NFATC3: variants seen among roughly 807,000 people sequenced by gnomAD.
NFATC3 encodes nuclear factor of activated T-cells, cytoplasmic 3.
Under a neutral mutation model 98.6 loss-of-function variants are expected in NFATC3, and 46 were observed. That is an observed-to-expected ratio of 0.47 (90% CI 0.37 to 0.60). The LOEUF (loss-of-function observed/expected upper bound fraction) is 0.60. NFATC3 is among the 20% of genes least tolerant of loss of function. The pLI is 0.00. For missense variants in NFATC3, 1,256 were observed against 1,295.5 expected (o/e 0.97, Z 0.47); for synonymous variants, 512 against 472.2 (o/e 1.08, Z -1.09).
intron 9 of NFATC3, among the ~76,000 whole-genome samples, chr16:68,218,566 T>C (rs1321641067): frequency 2.0e-5 from 3 of 147,712 alleles, no homozygotes; most frequent in Non-Finnish European, 4.5e-5. Context: ...GTATTTAGTT[T>C]AGATGGTGCT....
In NFATC3 at chr16:68,090,809, T is replaced by TA. The variant is rs1473575804; in HGVS notation, c.103+5026dup. Reference sequence around the variant, plus strand: ...AACTGTAAAGGAGGTTTTGGATGCTTAGTAGCTTTATTTTCTTACCTTAGG... The same window carrying TA: ...AACTGTAAAGGAGGTTTTGGATGCTTAAGTAGCTTTATTTTCTTACCTTAGG... On this transcript the variant is annotated intron_variant, in intron 1 of 9. Transcript: ENST00000346183. Among the ~76,000 whole-genome samples the TA allele has an allele frequency of 5.9e-5, 9 of 152,310 alleles. No individual in the cohort carries two copies. The South Asian group carries it at 1.2e-3, about 21-fold the overall frequency.
At chr16:68,218,508 G>C (rs1223871829) in intron 9 of NFATC3, among the ~76,000 whole-genome samples, 1 of 110,784 alleles carries the variant, frequency 9.0e-6, no homozygotes, top group Non-Finnish European at 1.7e-5. Flanking sequence ...CAGAATGAGA[G>C]CCTCTCAAAA....
In NFATC3 at chr16:68,174,383, C is replaced by G. The variant is rs961896373; in HGVS notation, c.1784C>G (p.Ser595Cys). The change falls in exon 6 of 10, where the codon TCT (serine) becomes TGT (cysteine). Residue 595 changes from serine (S) to cysteine (C), a missense_variant. Ser to Cys is a moderately radical substitution (Grantham distance 112). Around this residue, in one of 3 missense-constraint regions of NFATC3, gnomAD observed 636 missense variants for 617.3 expected, o/e 1.03. Transcript: ENST00000346183. ...ASIPVECSQRSAQELPHIEKY... is the reference protein window; with the variant it reads ...ASIPVECSQRCAQELPHIEKY... ...AAAAAATTTAAAACAGCCCAGCGGT[C>G]TGCTCAAGAACTTCCTCATATTGAG... The G allele has an allele frequency of 1.9e-5, 28 of 1,492,826 alleles. No homozygotes were observed. Among genetic ancestry groups the G allele is most frequent in the African/African-American group, 4.3e-5 (3 of 70,282 alleles). 92.5% of individuals were successfully genotyped at this position (1,492,826 alleles called of 1,614,324 possible).
Position 68,122,632 on chromosome 16 carries a change from C to G in NFATC3, c.749C>G (p.Thr250Ser). 1 of 1,614,168 alleles carries G rather than the reference C, an allele frequency of 6.2e-7. No homozygotes were observed. The highest frequency in any genetic ancestry group is 1.1e-5 in the South Asian group (1 of 91,078). ...SPCHSPRSSV[T>S]DENWLSPRPA... Reference sequence around the variant, plus strand: ...TGCCACTCTCCTAGATCCAGTGTCACTGATGAGAATTGGCTGAGCCCCAGG... The same window carrying G: ...TGCCACTCTCCTAGATCCAGTGTCAGTGATGAGAATTGGCTGAGCCCCAGG... Residue 250 changes from threonine (T) to serine (S), a missense_variant, in exon 2 of 10, where the codon ACT becomes AGT. By Grantham distance (58) the Thr-to-Ser change is moderately conservative (BLOSUM62 1). This residue lies in a region of NFATC3 where 464 missense variants were observed against 465.7 expected (regional missense o/e 1.00). Transcript: ENST00000346183.
At chr16:68,169,855 C>T (rs1273966092) in intron 5 of NFATC3, among the ~76,000 whole-genome samples, 5 of 151,746 alleles carry the variant, frequency 3.3e-5, no homozygotes, top group African/African-American at 4.8e-5. Flanking sequence ...GCAGGAGAAC[C>T]GCTTGAACCC....
rs1176067083 is a variant in NFATC3, at chr16:68,164,180, ACT to A, written c.1602-2661_1602-2660del. On this transcript the variant is annotated intron_variant, in intron 4 of 9. Coordinates refer to ENST00000346183, the MANE Select transcript of NFATC3 (RefSeq NM_173165.3). ...CTCGGGAGGCCGAGGCTGGCGGATCACTCGTGGTTAGGAGCTGGAGACCAGCC... is the reference window on the plus strand; with the variant it reads ...CTCGGGAGGCCGAGGCTGGCGGATCACGTGGTTAGGAGCTGGAGACCAGCC... Among the ~76,000 whole-genome samples, 20 of 152,324 alleles carry A rather than the reference ACT, an allele frequency of 1.3e-4. No individual in the cohort carries two copies. In the East Asian group the frequency reaches 3.1e-3, roughly 24 times the overall value.
chr16:68,147,095 T>G (rs1301681364), intron 3 of NFATC3, among the ~76,000 whole-genome samples: 1 of 152,212 alleles, frequency 6.6e-6, no homozygotes, highest in South Asian at 2.1e-4. Flanking sequence ...TGAAATCTTA[T>G]ATGAGTGATT....
intron 5 of NFATC3, among the ~76,000 whole-genome samples, chr16:68,167,807 GTTCTTTTTTTTTTTTTTTTTTT>G (rs2039269886): frequency 8.5e-5 from 2 of 23,588 alleles, no homozygotes; most frequent in African/African-American, 1.1e-4. Context: ...AACCGTATGT[GTTCTTTTTTTTTTTTTTTTTTT>G]TTTTTTTTTT....
At chr16:68,123,239 A>T in intron 2 of NFATC3, 118 bp downstream of exon 2, 1 of 1,068,708 alleles carries the variant, frequency 9.4e-7, no homozygotes, top group East Asian at 2.7e-5. Context: ...TCCTCTTCCT[A>T]TTTTTAAAAA....
chr16:68,224,549 A>G, intron 9 of NFATC3, among the ~76,000 whole-genome samples: 1 of 139,420 alleles, frequency 7.2e-6, no homozygotes, highest in Admixed American at 7.2e-5. Flanking sequence ...TGCTGGGTTT[A>G]TAGGCATGAG....
Position 68,214,542 on chromosome 16 carries a change from T to A in NFATC3, c.3107-11808T>A, listed in dbSNP as rs1408276043. On this transcript the variant is annotated intron_variant, in intron 9 of 9. Coordinates refer to ENST00000346183, the MANE Select transcript of NFATC3 (RefSeq NM_173165.3). Reference sequence around the variant, plus strand: ...GGAGGGGGTATGCACGGGCATTTTCTGGTAGGCCCACTCATTATCTTTGGA... The same window carrying A: ...GGAGGGGGTATGCACGGGCATTTTCAGGTAGGCCCACTCATTATCTTTGGA... 4.9e-6 allele frequency: 4 copies of A among 811,374 alleles called. No homozygotes were observed. In the East Asian group the frequency reaches 1.0e-4, roughly 21 times the overall value. 50.3% of individuals were successfully genotyped at this position (811,374 alleles called of 1,614,324 possible). A position where few individuals can be genotyped will look rare whatever the true frequency, so the allele number is the denominator to read the frequency against.
At chr16:68,092,662 G>A (rs1383147404) in intron 1 of NFATC3, among the ~76,000 whole-genome samples, 1 of 149,846 alleles carries the variant, frequency 6.7e-6, no homozygotes, top group Non-Finnish European at 1.5e-5. Context: ...CCAGCTACTT[G>A]GAAGTATCTC....
chr16:68,171,559 C>T (rs967253317), intron 5 of NFATC3, among the ~76,000 whole-genome samples: 3 of 151,124 alleles, frequency 2.0e-5, no homozygotes, highest in African/African-American at 4.9e-5. Context: ...CTGCAATCTT[C>T]GCCTCCCAGG....
chr16:68,118,622 T>G (rs1470099044), intron 1 of NFATC3, among the ~76,000 whole-genome samples: 4 of 152,220 alleles, frequency 2.6e-5, no homozygotes, highest in Non-Finnish European at 5.9e-5. Flanking sequence ...TACTAATTTC[T>G]TAGTGATCTT....
In NFATC3 at chr16:68,138,973, CCTAT is replaced by C. The variant is rs568180413; in HGVS notation, c.1401+12369_1401+12372del. On this transcript the variant is annotated intron_variant, in intron 3 of 9. Transcript: ENST00000346183. ...AATCATTCATTGCTTAATTTATTCA[CCTAT>C]CTATCCATTTACTTATTCGATATGT... Among the ~76,000 whole-genome samples, 6 of 152,264 alleles carry C rather than the reference CCTAT, an allele frequency of 3.9e-5. No homozygotes were observed. In the South Asian group the frequency reaches 1.0e-3, roughly 26 times the overall value.
intron 3 of NFATC3, among the ~76,000 whole-genome samples, chr16:68,152,467 G>T (rs981815918): frequency 2.0e-5 from 3 of 152,068 alleles, no homozygotes; most frequent in South Asian, 4.2e-4. Context: ...TAGACCAGGG[G>T]TTATCAAACT....
At chr16:68,186,836 GATTTT>G (rs1195781186) in intron 8 of NFATC3, among the ~76,000 whole-genome samples, 4 of 152,310 alleles carry the variant, frequency 2.6e-5, no homozygotes, top group East Asian at 1.9e-4. Flanking sequence ...TTTATTTAGA[GATTTT>G]ATTTTGTTTA....
intron 8 of NFATC3, among the ~76,000 whole-genome samples, chr16:68,185,743 G>A (rs1183873716): frequency 6.6e-6 from 1 of 151,586 alleles, no homozygotes; most frequent in Non-Finnish European, 1.5e-5. Context: ...GGTGCCTGTA[G>A]TCCTAGCTAC....
At chr16:68,209,981 C>CATG (rs113610474) in intron 9 of NFATC3, among the ~76,000 whole-genome samples, 41,876 of 151,362 alleles carry the variant, frequency 0.28, 7,282 homozygotes, top group African/African-American at 0.5. Context: ...GCCTGGGCAA[C>CATG]ATGAAATCCC....
Sources: allele counts gnomAD v4.1 joint callset (sites outside exome capture counted in the v4.1 genomes callset), GRCh38; gene constraint gnomAD v4.1.1; regional missense constraint gnomAD v4.1.1; transcripts MANE v1.5; gene names NCBI Gene and HGNC (gene_info 2026-07-23, HGNC 2026-07-21).